Variants in NPAS4 observed in about 807,000 individuals in gnomAD.
NPAS4 encodes the protein neuronal PAS domain protein 4.
In NPAS4, 10 loss-of-function variants were observed where a neutral mutation model predicts 64.0. The ratio of observed to expected loss-of-function variants is 0.16; its 90% CI spans 0.10 to 0.26. NPAS4 has a LOEUF of 0.26. Ranked by LOEUF, NPAS4 falls within the 10% of genes least tolerant of loss-of-function variation. NPAS4 has a pLI of 1.00. For synonymous variants in NPAS4, 441 were observed against 411.7 expected, an observed-to-expected ratio of 1.07 and a Z score of -0.86; for missense variants, 886 against 992.6, an observed-to-expected ratio of 0.89 and a Z score of 1.44.
the NPAS4 span, among the ~76,000 whole-genome samples, chr11:66,412,772 C>A: frequency 6.6e-6 from 1 of 152,336 alleles, no homozygotes; most frequent in East Asian, 1.9e-4. Context: ...GTCACAAAGG[C>A]AGTCTGTGGA....
intron 1 of NPAS4, among the ~76,000 whole-genome samples, chr11:66,421,593 A>G (rs906583836): frequency 6.6e-6 from 1 of 152,206 alleles, no homozygotes; most frequent in Non-Finnish European, 1.5e-5. Flanking sequence ...TTATGAGAGG[A>G]TAAGAGCCAG....
rs796693136 is a variant in NPAS4, at chr11:66,426,131, G to T, written c.*142G>T. On this transcript the variant is annotated 3_prime_UTR_variant, in exon 8 of 8. Transcript: ENST00000311034. ...ATTCCCCAGGCCCTGCAGGATTTTGGGGGGGGGGAGGTGGGAGGGCAAGGG... is the reference window on the plus strand; with the variant it reads ...ATTCCCCAGGCCCTGCAGGATTTTGTGGGGGGGGAGGTGGGAGGGCAAGGG... 1.2e-4 allele frequency: 44 copies of T among 368,038 alleles called. 1 individual carries two copies. Among genetic ancestry groups the T allele is most frequent in the East Asian group, 4.5e-4 (8 of 17,790 alleles). 22.8% of individuals were successfully genotyped at this position (368,038 alleles called of 1,614,324 possible). A position where few individuals can be genotyped will look rare whatever the true frequency, so the allele number is the denominator to read the frequency against.
chr11:66,421,034 G>A (rs942228647), upstream of NPAS4: 7 of 682,020 alleles, frequency 1.0e-5, no homozygotes, highest in African/African-American at 9.0e-5. Context: ...GCAGGCGAGG[G>A]GGGCAGCGCA....
chr11:66,424,224 A>G lies in NPAS4; in HGVS notation c.1334A>G (p.Gln445Arg). ...AFLFSLHEPF[Q>R]THLPTPSSTL... ...CTCTTCAGCCTCCATGAGCCCTTCC[A>G]GACCCATTTGCCCACCCCATCCAGC... Residue 445 changes from glutamine to arginine, a missense_variant, in exon 7 of 8, where the codon CAG becomes CGG. Gln to Arg is a conservative substitution (Grantham distance 43). This residue lies in a region of NPAS4 where 820 missense variants were observed against 855.5 expected (regional missense o/e 0.96). Coordinates refer to ENST00000311034, the MANE Select transcript of NPAS4 (RefSeq NM_178864.4). 6.2e-7 allele frequency: 1 copy of G among 1,613,992 alleles called. No individual in the cohort carries two copies.
chr11:66,414,745 C>CT, the NPAS4 span, among the ~76,000 whole-genome samples: 1 of 152,194 alleles, frequency 6.6e-6, no homozygotes, highest in Non-Finnish European at 1.5e-5. Context: ...CGTGGGTTTC[C>CT]TATTCTCACT....
chr11:66,426,256 C>A lies in NPAS4; in HGVS notation c.*267C>A. ...GAGTTTCCTTGAATGGGATTTCAAG[C>A]GGAGAATGGGGGAGTCTCACTTCCC... is the stretch of plus-strand genomic sequence containing the variant. On this transcript the variant is annotated 3_prime_UTR_variant, in exon 8 of 8. Coordinates refer to ENST00000311034, the MANE Select transcript of NPAS4 (RefSeq NM_178864.4). 1 of 409,362 alleles carries A rather than the reference C, an allele frequency of 2.4e-6. No individual in the cohort carries two copies. The highest frequency in any genetic ancestry group is 4.5e-6 in the Non-Finnish European group (1 of 222,262). 25.4% of individuals were successfully genotyped at this position (409,362 alleles called of 1,614,324 possible).
intron 3 of NPAS4, 53 bp from the exon 4 acceptor site, chr11:66,422,621 G>C (rs996563429): frequency 3.7e-5 from 59 of 1,605,110 alleles, no homozygotes; most frequent in South Asian, 3.4e-4. Flanking sequence ...ACCATCCACT[G>C]TCTCTCTCTC....
upstream of NPAS4, among the ~76,000 whole-genome samples, chr11:66,418,644 C>T (rs192965922): frequency 2.5e-3 from 380 of 152,238 alleles, 5 homozygotes; most frequent in East Asian, 0.026. Flanking sequence ...CTTCCCATTC[C>T]ATTCTCCTGG....
chr11:66,425,292 A>G (rs1279545973), intron 7 of NPAS4, 22 bp downstream of exon 7: 1 of 1,398,430 alleles, frequency 7.2e-7, no homozygotes. Flanking sequence ...AAAAGGTCCA[A>G]GAACTCAAGT....
rs1856814511 is a variant in NPAS4, at chr11:66,424,850, G to T, written c.1960G>T (p.Ala654Ser). The part of the protein sequence containing the change: ...QGMDRPFSAE[A>S]GTGGLEPLGG... ...CATGGACAGACCCTTCTCAGCTGAG[G>T]CTGGCACTGGCGGACTAGAGCCACT... Residue 654 changes from alanine (A) to serine (S), a missense_variant, in exon 7 of 8, where the codon GCT becomes TCT. Ala to Ser is a moderately conservative substitution (Grantham distance 99, BLOSUM62 1). Coordinates refer to ENST00000311034, the MANE Select transcript of NPAS4 (RefSeq NM_178864.4). The T allele has an allele frequency of 1.9e-6, 3 of 1,612,976 alleles. No individual in the cohort carries two copies. Among genetic ancestry groups the T allele is most frequent in the South Asian group, 2.2e-5 (2 of 90,954 alleles).
At chr11:66,409,967 A>C in the NPAS4 span, 1 of 152,254 alleles carries the variant, frequency 6.6e-6, no homozygotes, top group South Asian at 2.1e-4. Context: ...CCATTGAAGG[A>C]TTCCTGCAGC....
intron 3 of NPAS4, 43 bp from the exon 4 acceptor site, chr11:66,422,631 C>T (rs1028270009): frequency 6.2e-6 from 10 of 1,610,168 alleles, no homozygotes; most frequent in Non-Finnish European, 8.5e-6. Context: ...GTCTCTCTCT[C>T]AGCCACTCAC....
intron 7 of NPAS4, among the ~76,000 whole-genome samples, chr11:66,425,492 C>T (rs1856826347): frequency 6.6e-6 from 1 of 151,964 alleles, no homozygotes; most frequent in South Asian, 2.1e-4. Context: ...GGATAGAGTG[C>T]TAGGGAATTC....
At chr11:66,423,428 G>A in intron 5 of NPAS4, 150 bp from the exon 6 acceptor site, 1 of 933,466 alleles carries the variant, frequency 1.1e-6, no homozygotes, top group East Asian at 2.5e-5. Flanking sequence ...TGAGTGGTGA[G>A]GTCAAGGTAG....
Position 66,425,228 on chromosome 11 carries a change from T to A in NPAS4, c.2338T>A (p.Leu780Met). ...AFPYDGFTDE[L>M]HQLQSQVQDS... ...CCCCTATGATGGGTTTACTGATGAG[T>A]TGCATCAACTCCAGAGCCAAGTTCA... The change falls in exon 7 of 8, where the codon TTG becomes ATG. Residue 780 changes from leucine to methionine, a missense_variant. Physicochemically the swap from Leu to Met is conservative, Grantham distance 15. Around this residue, in one of 3 missense-constraint regions of NPAS4, gnomAD observed 28 missense variants for 57.0 expected, o/e 0.49. Coordinates refer to ENST00000311034, the MANE Select transcript of NPAS4 (RefSeq NM_178864.4). The A allele has an allele frequency of 6.5e-7, 1 of 1,526,916 alleles. No individual in the cohort carries two copies. Among genetic ancestry groups the A allele is most frequent in the Non-Finnish European group, 8.8e-7 (1 of 1,141,184 alleles). 94.6% of individuals were successfully genotyped at this position (1,526,916 alleles called of 1,614,324 possible).
chr11:66,420,387 C>T (rs573162061), upstream of NPAS4, among the ~76,000 whole-genome samples: 73 of 152,340 alleles, frequency 4.8e-4, no homozygotes, highest in Non-Finnish European at 8.7e-4. Context: ...CCCATGAACA[C>T]CCCCTGATAA....
Position 66,424,131 on chromosome 11 carries a change from C to T in NPAS4, c.1241C>T (p.Ala414Val). 6.2e-7 allele frequency: 1 copy of T among 1,614,082 alleles called. No individual in the cohort carries two copies. Among genetic ancestry groups the T allele is most frequent in the Non-Finnish European group, 8.5e-7 (1 of 1,180,018 alleles). The change falls in exon 7 of 8, where the codon GCA (alanine) becomes GTA (valine). Residue 414 changes from alanine to valine, a missense_variant. By Grantham distance (64) the Ala-to-Val change is moderately conservative. Transcript: ENST00000311034. ...FPSGPEPSLQ[A>V]ELSKDLVCTP... is the part of the protein sequence containing the mutation. ...TCTGGGCCTGAGCCTTCTCTCCAAG[C>T]AGAACTAAGCAAGGATCTTGTGTGC...
chr11:66,416,089 A>G (rs911886942), upstream of NPAS4, among the ~76,000 whole-genome samples: 5 of 152,210 alleles, frequency 3.3e-5, no homozygotes, highest in Admixed American at 6.5e-5. Context: ...ATGACAGAGC[A>G]AGACTGTATA....
At chr11:66,423,541 G>A (rs1856787380) in intron 5 of NPAS4, 37 bp from the exon 6 acceptor site, 1 of 1,612,058 alleles carries the variant, frequency 6.2e-7, no homozygotes, top group African/African-American at 1.3e-5. Flanking sequence ...AGAATTGCCT[G>A]GTGGACATCC....
Sources: allele counts gnomAD v4.1 joint callset (sites outside exome capture counted in the v4.1 genomes callset), GRCh38; gene constraint gnomAD v4.1.1; regional missense constraint gnomAD v4.1.1; transcripts MANE v1.5; gene names NCBI Gene and HGNC (gene_info 2026-07-23, HGNC 2026-07-21).